Variants in COPA observed in about 807,000 individuals in gnomAD.
COPA encodes coat protein complex I subunit alpha.
A neutral mutation model predicts 158.7 loss-of-function variants in COPA; 10 were observed. The observed-to-expected ratio is 0.06, with a 90% CI of 0.04 to 0.11. The LOEUF (loss-of-function observed/expected upper bound fraction) is 0.11, where lower values mean the gene tolerates loss of function less well. Among genes scored for constraint, COPA ranks in the 10% least tolerant of loss-of-function variants. The pLI is 1.00. For synonymous variants in COPA, 462 were observed against 542.8 expected, an observed-to-expected ratio of 0.85 and a Z score of 2.07; for missense variants, 1,065 against 1,536.7, an observed-to-expected ratio of 0.69 and a Z score of 5.13.
At chr1:160,304,180 AT>A (rs547914087) in intron 17 of COPA, among the ~76,000 whole-genome samples, 7 of 149,716 alleles carry the variant, frequency 4.7e-5, no homozygotes, top group Admixed American at 1.3e-4. Flanking sequence ...CACCCAGCTA[AT>A]TTTTTTTTAT....
intron 9 of COPA, 79 bp from the exon 10 acceptor site, chr1:160,313,246 A>C (rs1473563096): frequency 8.0e-7 from 1 of 1,245,852 alleles, no homozygotes; most frequent in Non-Finnish European, 1.2e-6. Context: ...ATTAAATGGT[A>C]AGCCAGCAAG....
At chr1:160,312,643 AG>A (rs1472642902) in intron 10 of COPA, among the ~76,000 whole-genome samples, 18 of 152,196 alleles carry the variant, frequency 1.2e-4, no homozygotes, top group Admixed American at 1.2e-3. Flanking sequence ...ATGGCATAGA[AG>A]GCAATACACG....
intron 25 of COPA, 115 bp downstream of exon 25, chr1:160,294,369 G>C (rs1338263946): frequency 1.9e-5 from 16 of 844,974 alleles, no homozygotes; most frequent in Non-Finnish European, 3.0e-5. Flanking sequence ...CTGACCTTAG[G>C]ATAGTGGTAG....
Position 160,305,790 on chromosome 1 carries a change from T to C in COPA, c.1443-17A>G, listed in dbSNP as rs751009926. ...GCCAGAGTCCTGAGATAGATAGAGA[T>C]GTGCAAACATGAATGGATCTATTTC... is the stretch of plus-strand genomic sequence containing the variant. On this transcript the variant is annotated splice_polypyrimidine_tract_variant and intron_variant, in intron 15 of 32. Transcript: ENST00000241704. 1.9e-6 allele frequency: 3 copies of C among 1,594,344 alleles called. No homozygotes were observed. The highest frequency in any genetic ancestry group is 2.2e-5 in the East Asian group (1 of 44,784).
rs1192876171 is a variant in COPA at position 160,333,598 on chromosome 1, T to C, written c.386+5A>G. 1.2e-6 allele frequency: 2 copies of C among 1,609,624 alleles called. No individual in the cohort carries two copies. The highest frequency in any genetic ancestry group is 1.7e-6 in the Non-Finnish European group (2 of 1,176,808). On this transcript the variant is annotated splice_donor_5th_base_variant and intron_variant, in intron 5 of 32. Transcript: ENST00000241704. ...TCTTTTCGAGCCCTCTGCCTCCTGC[T>C]TTACCAAACACAGGTTCTAGATTGC...
chr1:160,303,653 C>T (rs1466776709), intron 17 of COPA, among the ~76,000 whole-genome samples: 2 of 151,992 alleles, frequency 1.3e-5, no homozygotes, highest in Non-Finnish European at 2.9e-5. Flanking sequence ...TAGGATGAAA[C>T]CTAATATCCA....
intron 6 of COPA, 60 bp downstream of exon 6, chr1:160,332,388 A>T: frequency 9.0e-7 from 1 of 1,110,706 alleles, no homozygotes; most frequent in Non-Finnish European, 1.3e-6. Flanking sequence ...TCACTATTTT[A>T]AGCAATTGCA....
intron 6 of COPA, 119 bp from the exon 7 acceptor site, chr1:160,325,771 A>G: frequency 1.4e-6 from 1 of 726,852 alleles, no homozygotes; most frequent in Non-Finnish European, 2.3e-6. Context: ...GAAAAGACTG[A>G]AGAAAGAAAA....
At position 160,327,405 on chromosome 1, in the gene COPA, C is replaced by T. The variant is rs569914373; in HGVS notation, c.497-1753G>A. Among the ~76,000 whole-genome samples the T allele has an allele frequency of 1.9e-4, 28 of 147,188 alleles. No individual in the cohort carries two copies. The South Asian group carries it at 5.9e-3, about 31-fold the overall frequency. Reference sequence around the variant, plus strand: ...TACAAAAATTAGTCGGGCATGACGGCGCATGCCTGTAATCCCAGCTGCTAG... The same window carrying T: ...TACAAAAATTAGTCGGGCATGACGGTGCATGCCTGTAATCCCAGCTGCTAG... On this transcript the variant is annotated intron_variant, in intron 6 of 32. Transcript: ENST00000241704.
chr1:160,325,664 TA>T lies in COPA; in HGVS notation c.497-13del. On this transcript the variant is annotated splice_polypyrimidine_tract_variant and intron_variant, in intron 6 of 32. Coordinates refer to ENST00000241704, the MANE Select transcript of COPA (RefSeq NM_004371.4). ...TTTTTTCCTCAGACCTTTGAAGGGA[TA>T]AGGAGTGGGATGAAAGATGTAAACA... 2.5e-6 allele frequency: 4 copies of T among 1,594,244 alleles called. No individual in the cohort carries two copies. Among genetic ancestry groups the T allele is most frequent in the Non-Finnish European group, 3.4e-6 (4 of 1,162,050 alleles).
intron 13 of COPA, among the ~76,000 whole-genome samples, chr1:160,308,192 A>G (rs1023330898): frequency 1.7e-3 from 1 of 606 alleles, no homozygotes; most frequent in African/African-American, 0.02. Flanking sequence ...AAAAAAAAGC[A>G]AAGAGCTAGT....
intron 8 of COPA, among the ~76,000 whole-genome samples, chr1:160,319,022 A>G (rs772603417): frequency 1.8e-4 from 28 of 152,172 alleles, no homozygotes; most frequent in Non-Finnish European, 4.0e-4. Context: ...AACAGCAGTA[A>G]TAAGTCCTTG....
In COPA at chr1:160,290,162, G is replaced by A. The variant is rs774710055; in HGVS notation, c.3670C>T (p.Arg1224Cys). 3.1e-6 allele frequency: 5 copies of A among 1,614,134 alleles called. No homozygotes were observed. Among genetic ancestry groups the A allele is most frequent in the East Asian group, 2.2e-5 (1 of 44,882 alleles). ...IGLRISPLQFR is the reference protein window; with the variant it reads ...IGLRISPLQFC ...CCATGCACACAAAGGGGGCCTTAGC[G>A]AAACTGCAGAGGACTGATCCTTAAA... The change falls in exon 33 of 33, where the codon CGC (arginine) becomes TGC (cysteine). Residue 1224 changes from arginine (R) to cysteine (C), a missense_variant. Around this residue, in one of 2 missense-constraint regions of COPA, gnomAD observed 980 missense variants for 1,357.8 expected, o/e 0.72. Coordinates refer to ENST00000241704, the MANE Select transcript of COPA (RefSeq NM_004371.4).
At chr1:160,317,587 A>G (rs1315192403) in intron 8 of COPA, 1 of 1,586,986 alleles carries the variant, frequency 6.3e-7, no homozygotes, top group Non-Finnish European at 8.6e-7. Flanking sequence ...GAATTCATTC[A>G]GGTTTCTCTT....
intron 3 of COPA, among the ~76,000 whole-genome samples, chr1:160,338,068 A>G (rs12726872): frequency 6.6e-6 from 1 of 152,188 alleles, no homozygotes; most frequent in African/African-American, 2.4e-5. Flanking sequence ...GACATTTCAT[A>G]AGTGGAAGAT....
intron 1 of COPA, 33 bp from the exon 2 acceptor site, chr1:160,340,327 A>C (rs772039492): frequency 2.9e-6 from 4 of 1,382,008 alleles, no homozygotes; most frequent in Admixed American, 1.7e-5. Context: ...CAATGAGCTA[A>C]CTAAGCCCCA....
intron 3 of COPA, among the ~76,000 whole-genome samples, chr1:160,336,314 C>CAG (rs1223252233): frequency 1.4e-5 from 2 of 146,332 alleles, no homozygotes; most frequent in South Asian, 2.1e-4. Context: ...GCCTGGGCGA[C>CAG]AGAGAGAGGC....
Position 160,339,895 on chromosome 1 carries a change from C to G in COPA, c.228+14G>C. On this transcript the variant is annotated intron_variant, in intron 3 of 32. Transcript: ENST00000241704. Reference sequence around the variant, plus strand: ...CTCTTTCCTTTATTCTCAGTTATGACAGACCCTCTGTACCTTAATCTTATA... The same window carrying G: ...CTCTTTCCTTTATTCTCAGTTATGAGAGACCCTCTGTACCTTAATCTTATA... 1 of 1,611,076 alleles carries G rather than the reference C, an allele frequency of 6.2e-7. No individual in the cohort carries two copies. Among genetic ancestry groups the G allele is most frequent in the Non-Finnish European group, 8.5e-7 (1 of 1,177,322 alleles).
At chr1:160,312,998 C>T (rs1338212967) in intron 10 of COPA, 87 bp downstream of exon 10, 5 of 1,203,732 alleles carry the variant, frequency 4.2e-6, no homozygotes, top group Non-Finnish European at 6.0e-6. Context: ...TCCTACTATA[C>T]ATTTACTAGA....
Sources: allele counts gnomAD v4.1 joint callset (sites outside exome capture counted in the v4.1 genomes callset), GRCh38; gene constraint gnomAD v4.1.1; regional missense constraint gnomAD v4.1.1; transcripts MANE v1.5; gene names NCBI Gene and HGNC (gene_info 2026-07-23, HGNC 2026-07-21).